The following OSBPL1A variants were observed in gnomAD, a reference collection of about 807,000 sequenced individuals.
OSBPL1A encodes oxysterol-binding protein-related protein 1.
In OSBPL1A, 80 loss-of-function variants were observed where a neutral mutation model predicts 137.1. The observed-to-expected ratio is 0.58, with a 90% CI of 0.49 to 0.70. The LOEUF (loss-of-function observed/expected upper bound fraction) is 0.70, where lower values mean the gene tolerates loss of function less well. OSBPL1A is among the 30% of genes least tolerant of loss of function. The pLI is 0.00. For synonymous variants in OSBPL1A, 365 were observed against 389.7 expected, an observed-to-expected ratio of 0.94 and a Z score of 0.75; for missense variants, 970 against 1,129.4, an observed-to-expected ratio of 0.86 and a Z score of 2.02.
chr18:24,231,437 C>CAT (rs1567962523), intron 16 of OSBPL1A, among the ~76,000 whole-genome samples: 1 of 152,072 alleles, frequency 6.6e-6, no homozygotes, highest in East Asian at 1.9e-4. Context: ...GGATTACAGG[C>CAT]GCCCACCACC....
chr18:24,208,408 T>C (rs1167760730), intron 17 of OSBPL1A, among the ~76,000 whole-genome samples: 1 of 152,228 alleles, frequency 6.6e-6, no homozygotes, highest in African/African-American at 2.4e-5. Context: ...ATAAATACAT[T>C]CTGACTTACA....
intron 17 of OSBPL1A, among the ~76,000 whole-genome samples, chr18:24,210,723 A>G (rs1019948329): frequency 5.9e-5 from 9 of 151,786 alleles, no homozygotes; most frequent in Admixed American, 1.3e-4. Context: ...TTTTTTAGCA[A>G]TGGGGTCTCC....
chr18:24,165,124 C>T lies in OSBPL1A; in HGVS notation c.2691G>A (p.Glu897=). The T allele has an allele frequency of 1.2e-6, 2 of 1,614,156 alleles. No individual in the cohort carries two copies. Among genetic ancestry groups the T allele is most frequent in the Non-Finnish European group, 1.7e-6 (2 of 1,180,020 alleles). The change falls in exon 27 of 28, where the codon GAG becomes GAA. Residue 897 remains glutamate (E), a synonymous_variant. Transcript: ENST00000319481. ...DQASEEKKRL[E]EKQRAARKNR... ...TTTTGCGGGCTGCTCTTTGTTTTTCCTCAAGTCGTTTTTTTTCTTCACTAG... is the reference window on the plus strand; with the variant it reads ...TTTTGCGGGCTGCTCTTTGTTTTTCTTCAAGTCGTTTTTTTTCTTCACTAG...
intron 15 of OSBPL1A, among the ~76,000 whole-genome samples, chr18:24,249,469 A>G (rs1386899890): frequency 6.6e-6 from 1 of 152,228 alleles, no homozygotes; most frequent in East Asian, 1.9e-4. Context: ...TCAGGTGAGC[A>G]ATCACAGCAC....
At chr18:24,218,117 C>A (rs1336682066) in intron 17 of OSBPL1A, among the ~76,000 whole-genome samples, 1 of 152,110 alleles carries the variant, frequency 6.6e-6, no homozygotes, top group African/African-American at 2.4e-5. Context: ...TTACTAAATA[C>A]CATTTTGGAT....
chr18:24,356,304 A>C (rs140032079), intron 4 of OSBPL1A, among the ~76,000 whole-genome samples: 201 of 152,354 alleles, frequency 1.3e-3, no homozygotes, highest in African/African-American at 4.6e-3. Flanking sequence ...CAAAGCAAAC[A>C]TGAACTGTCG....
intron 16 of OSBPL1A, among the ~76,000 whole-genome samples, chr18:24,232,330 G>A (rs1052567625): frequency 2.0e-5 from 3 of 152,342 alleles, no homozygotes; most frequent in Non-Finnish European, 4.4e-5. Context: ...GCTTGAAACA[G>A]ATTCTTGGCA....
At chr18:24,258,925 C>CTTTTT (rs543867145) in intron 15 of OSBPL1A, among the ~76,000 whole-genome samples, 6 of 92,726 alleles carry the variant, frequency 6.5e-5, no homozygotes, top group Non-Finnish European at 1.0e-4. Context: ...AAAATTACAT[C>CTTTTT]TTTTTTTTTT....
chr18:24,260,944 C>T (rs1357513159), intron 15 of OSBPL1A, among the ~76,000 whole-genome samples: 2 of 151,330 alleles, frequency 1.3e-5, no homozygotes, highest in Non-Finnish European at 2.9e-5. Context: ...CACATAAATA[C>T]TTGTATATAC....
At chr18:24,359,383 C>T (rs1455243740) in intron 4 of OSBPL1A, among the ~76,000 whole-genome samples, 2 of 152,002 alleles carry the variant, frequency 1.3e-5, no homozygotes, top group South Asian at 2.1e-4. Flanking sequence ...CCACTACACC[C>T]GGCTCTGGAA....
chr18:24,344,571 T>C (rs1194259144), intron 4 of OSBPL1A, among the ~76,000 whole-genome samples: 1 of 152,052 alleles, frequency 6.6e-6, no homozygotes, highest in Non-Finnish European at 1.5e-5. Context: ...ACTCAAATAT[T>C]GTGTAGGGAG....
chr18:24,164,684 T>C (rs2086104143), intron 27 of OSBPL1A, among the ~76,000 whole-genome samples: 1 of 151,932 alleles, frequency 6.6e-6, no homozygotes, highest in Non-Finnish European at 1.5e-5. Flanking sequence ...CGCCTCGGCC[T>C]CCCAAAGTGC....
intron 14 of OSBPL1A, 78 bp from the exon 15 acceptor site, chr18:24,281,026 A>G (rs2089946224): frequency 1.2e-6 from 1 of 830,132 alleles, no homozygotes. Flanking sequence ...AAATACTCTC[A>G]TATCTATTAA....
intron 12 of OSBPL1A, among the ~76,000 whole-genome samples, chr18:24,313,026 A>G (rs1233566377): frequency 6.6e-6 from 1 of 152,046 alleles, no homozygotes; most frequent in Non-Finnish European, 1.5e-5. Flanking sequence ...CGGGAGGCTG[A>G]GGCAGGAGAA....
chr18:24,215,597 G>C (rs1349371171), intron 17 of OSBPL1A, among the ~76,000 whole-genome samples: 1 of 152,088 alleles, frequency 6.6e-6, no homozygotes, highest in Non-Finnish European at 1.5e-5. Context: ...ACCAAGCAAA[G>C]CAAATAAGGC....
At chr18:24,272,772 G>C (rs1599598597) in intron 15 of OSBPL1A, among the ~76,000 whole-genome samples, 1 of 152,244 alleles carries the variant, frequency 6.6e-6, no homozygotes, top group African/African-American at 2.4e-5. Flanking sequence ...CATTGAAGTT[G>C]GTGGTAGCTG....
intron 17 of OSBPL1A, among the ~76,000 whole-genome samples, chr18:24,222,536 T>C (rs1355615188): frequency 1.3e-5 from 2 of 152,152 alleles, no homozygotes; most frequent in Non-Finnish European, 2.9e-5. Context: ...ATAAGCTCTG[T>C]AAATATAAAC....
intron 12 of OSBPL1A, among the ~76,000 whole-genome samples, chr18:24,313,810 A>T (rs550763640): frequency 1.3e-5 from 2 of 152,374 alleles, no homozygotes; most frequent in South Asian, 2.1e-4. Flanking sequence ...TCATTTAAAA[A>T]GTACAATCAG....
At chr18:24,319,039 T>C (rs889192028) in intron 7 of OSBPL1A, among the ~76,000 whole-genome samples, 1 of 152,246 alleles carries the variant, frequency 6.6e-6, no homozygotes, top group Non-Finnish European at 1.5e-5. Flanking sequence ...CAAATTATCA[T>C]GAACTCATAA....
Sources: allele counts gnomAD v4.1 joint callset (sites outside exome capture counted in the v4.1 genomes callset), GRCh38; gene constraint gnomAD v4.1.1; transcripts MANE v1.5; gene names NCBI Gene and HGNC (gene_info 2026-07-23, HGNC 2026-07-21).